TASOR: variants seen among roughly 807,000 people sequenced by gnomAD.
TASOR encodes transcription activation suppressor.
A neutral mutation model predicts 178.6 loss-of-function variants in TASOR; 53 were observed. The observed-to-expected ratio is 0.30, with a 90% CI of 0.24 to 0.37. The LOEUF (loss-of-function observed/expected upper bound fraction) is 0.37, where lower values mean the gene tolerates loss of function less well. Among genes scored for constraint, TASOR ranks in the 10% least tolerant of loss-of-function variants. TASOR has a pLI of 1.00. For missense variants in TASOR, 1,815 were observed against 1,971.4 expected, an observed-to-expected ratio of 0.92 and a Z score of 1.50; for synonymous variants, 713 against 696.2, an observed-to-expected ratio of 1.02 and a Z score of -0.38.
At chr3:56,639,202 T>C (rs1339009120) in intron 16 of TASOR, among the ~76,000 whole-genome samples, 1 of 152,242 alleles carries the variant, frequency 6.6e-6, no homozygotes, top group African/African-American at 2.4e-5. Flanking sequence ...TCTAGTTTAG[T>C]TCACAGGCCA....
intron 4 of TASOR, 121 bp from the exon 5 acceptor site, chr3:56,669,912 A>G (rs1029099095): frequency 1.1e-6 from 1 of 905,846 alleles, no homozygotes. Context: ...TCAGAAACAA[A>G]AGATAAAACT....
In TASOR at chr3:56,673,607, C is replaced by A; in HGVS notation, c.450G>T (p.Leu150Phe). Residue 150 changes from leucine to phenylalanine, a missense_variant, in exon 2 of 24, where the codon TTG becomes TTT. By Grantham distance (22) the Leu-to-Phe change is conservative. Coordinates refer to ENST00000683822, the MANE Select transcript of TASOR (RefSeq NM_001365635.2). ...VTNFNYRRAC[L>F]VHNELLEKEF... The stretch of plus-strand genomic sequence containing the variant: ...CCTTTTCCAAAAGCTCATTGTGTAC[C>A]AAGCAAGCACGTCTGTAGTTAAAAT... 6.5e-7 allele frequency: 1 copy of A among 1,549,818 alleles called. No homozygotes were observed. The highest frequency in any genetic ancestry group is 1.2e-5 in the South Asian group (1 of 83,670).
Position 56,620,379 on chromosome 3 carries a change from TTG to T in TASOR, c.*2656_*2657del, listed in dbSNP as rs1417746185. On this transcript the variant is annotated 3_prime_UTR_variant, in exon 24 of 24. Transcript: ENST00000683822. ...CCATACTACTTTTTCTCCCAAACTA[TTG>T]TGACTTCTTTTTGCTCTCTGATTAA... The T allele has an allele frequency of 6.5e-6, 1 of 153,032 alleles. No individual in the cohort carries two copies. Among genetic ancestry groups the T allele is most frequent in the Non-Finnish European group, 1.5e-5 (1 of 68,616 alleles). 9.5% of individuals were successfully genotyped at this position (153,032 alleles called of 1,614,324 possible).
At chr3:56,626,285 T>A (rs1430995987) in intron 21 of TASOR, among the ~76,000 whole-genome samples, 1 of 152,182 alleles carries the variant, frequency 6.6e-6, no homozygotes, top group Non-Finnish European at 1.5e-5. Flanking sequence ...CTTCCATGCA[T>A]TTTAGAAATT....
rs543892618 is a variant in TASOR, at chr3:56,624,759, C to G, written c.4318+69G>C. The stretch of plus-strand genomic sequence containing the variant: ...AATCAAAGCTTAGCAATACCCACCA[C>G]AGCCCCATAAAATCCTTTCATTCAC... On this transcript the variant is annotated intron_variant, in intron 22 of 23. Transcript: ENST00000683822. 3.2e-6 allele frequency: 5 copies of G among 1,564,406 alleles called. No homozygotes were observed. The South Asian group carries it at 3.5e-5, about 11-fold the overall frequency.
intron 18 of TASOR, among the ~76,000 whole-genome samples, chr3:56,632,363 T>C (rs530110486): frequency 2.0e-5 from 3 of 151,858 alleles, no homozygotes; most frequent in Non-Finnish European, 4.4e-5. Flanking sequence ...TAATCCCAGC[T>C]ACCTCGGAGG....
intron 8 of TASOR, 102 bp from the exon 9 acceptor site, chr3:56,662,592 T>G (rs2077621583): frequency 1.8e-6 from 1 of 568,516 alleles, no homozygotes; most frequent in Non-Finnish European, 3.1e-6. Flanking sequence ...AGAAACAAGG[T>G]TTAAGTAGGA....
At chr3:56,651,440 A>T (rs1261135974) in intron 11 of TASOR, among the ~76,000 whole-genome samples, 1 of 152,168 alleles carries the variant, frequency 6.6e-6, no homozygotes, top group Non-Finnish European at 1.5e-5. Context: ...CATGCCTGTA[A>T]TCTCAGCACT....
At chr3:56,674,033 G>T (rs962566711) in intron 1 of TASOR, among the ~76,000 whole-genome samples, 5 of 151,976 alleles carry the variant, frequency 3.3e-5, no homozygotes, top group Admixed American at 6.6e-5. Flanking sequence ...ACTCTTAAAA[G>T]AACCTGTGTT....
At chr3:56,623,650 T>C in intron 23 of TASOR, 84 bp from the exon 24 acceptor site, 1 of 1,543,766 alleles carries the variant, frequency 6.5e-7, no homozygotes, top group Non-Finnish European at 8.7e-7. Context: ...TCACACAATA[T>C]AACGCGTCAG....
At chr3:56,664,701 G>T (rs752542646) in intron 7 of TASOR, among the ~76,000 whole-genome samples, 4 of 152,132 alleles carry the variant, frequency 2.6e-5, no homozygotes, top group Non-Finnish European at 4.4e-5. Flanking sequence ...AGTAAAAAAT[G>T]AGCAGACATT....
intron 3 of TASOR, among the ~76,000 whole-genome samples, chr3:56,671,201 T>C: frequency 6.6e-6 from 1 of 151,600 alleles, no homozygotes; most frequent in South Asian, 2.1e-4. Context: ...TAGCCAGGTG[T>C]GGGGGGGTGT....
chr3:56,638,742 C>T lies in TASOR; in HGVS notation c.2788G>A (p.Asp930Asn), dbSNP rs1315707441. ...TTCTCACCATGTTTCCCCAGCTGGT[C>T]TTCTGGGCTTCTTGCATTCCCTCCT... ...ITGGNARSPE[D>N]QLGKHGEKQT... Residue 930 changes from aspartate (D) to asparagine (N), a missense_variant, in exon 17 of 24, where the codon GAC becomes AAC. Asp to Asn is a conservative substitution (Grantham distance 23). This residue lies in a region of TASOR where 655 missense variants were observed against 671.1 expected (regional missense o/e 0.98). Coordinates refer to ENST00000683822, the MANE Select transcript of TASOR (RefSeq NM_001365635.2). 3 of 1,614,136 alleles carry T rather than the reference C, an allele frequency of 1.9e-6. No homozygotes were observed. The highest frequency in any genetic ancestry group is 8.5e-7 in the Non-Finnish European group (1 of 1,180,008).
chr3:56,621,615 T>C lies in TASOR; in HGVS notation c.*1422A>G. 6.3e-7 allele frequency: 1 copy of C among 1,594,216 alleles called. No homozygotes were observed. The highest frequency in any genetic ancestry group is 8.5e-7 in the Non-Finnish European group (1 of 1,169,696). Reference sequence around the variant, plus strand: ...AAGAAGAGAGTTTTGGTTCTTCATTTTAAATGTAGAAAATCAAATCCTTCA... The same window carrying C: ...AAGAAGAGAGTTTTGGTTCTTCATTCTAAATGTAGAAAATCAAATCCTTCA... On this transcript the variant is annotated 3_prime_UTR_variant, in exon 24 of 24. Transcript: ENST00000683822.
chr3:56,669,159 CCTTT>C (rs890795813), intron 5 of TASOR, among the ~76,000 whole-genome samples: 1 of 152,068 alleles, frequency 6.6e-6, no homozygotes, highest in African/African-American at 2.4e-5. Flanking sequence ...TCTCTACATT[CCTTT>C]CTTTGGAAAG....
At chr3:56,641,276 T>G (rs2077118422) in intron 15 of TASOR, 73 bp downstream of exon 15, 1 of 1,410,986 alleles carries the variant, frequency 7.1e-7, no homozygotes, top group African/African-American at 1.4e-5. Context: ...AATCATTCCC[T>G]GAAGCATACT....
At chr3:56,624,105 T>C (rs775921361) in intron 23 of TASOR, among the ~76,000 whole-genome samples, 2 of 152,220 alleles carry the variant, frequency 1.3e-5, no homozygotes, top group Non-Finnish European at 2.9e-5. Context: ...GGAAATCTAG[T>C]AGCTCAATGC....
intron 2 of TASOR, 26 bp from the exon 3 acceptor site, chr3:56,671,718 C>G (rs1021668031): frequency 6.8e-7 from 1 of 1,468,148 alleles, no homozygotes; most frequent in African/African-American, 1.4e-5. Flanking sequence ...ACTATAACAA[C>G]TACTTAGCAT....
intron 9 of TASOR, 119 bp downstream of exon 9, chr3:56,662,266 C>A (rs981006199): frequency 3.2e-6 from 2 of 634,602 alleles, no homozygotes; most frequent in Non-Finnish European, 5.6e-6. Context: ...AACAAACCAA[C>A]ATTTATATTG....
Sources: allele counts gnomAD v4.1 joint callset (sites outside exome capture counted in the v4.1 genomes callset), GRCh38; gene constraint gnomAD v4.1.1; regional missense constraint gnomAD v4.1.1; transcripts MANE v1.5; gene names NCBI Gene and HGNC (gene_info 2026-07-23, HGNC 2026-07-21).